TANC1: variants seen among roughly 807,000 people sequenced by gnomAD.
TANC1 encodes protein TANC1.
Under a neutral mutation model 149.7 loss-of-function variants are expected in TANC1, and 77 were observed. That is an observed-to-expected ratio of 0.51 (90% CI 0.43 to 0.62). The LOEUF is 0.62. Ranked by LOEUF, TANC1 falls within the 20% of genes least tolerant of loss-of-function variation. The probability of loss-of-function intolerance (pLI) is 0.00; values close to 1 mark genes in which losing one functional copy is unlikely to be tolerated. For missense variants in TANC1, 1,985 were observed against 2,321.8 expected (o/e 0.85, Z 2.98); for synonymous variants, 854 against 925.0 (o/e 0.92, Z 1.39).
chr2:159,130,871 A>C (rs1228114845), intron 4 of TANC1, among the ~76,000 whole-genome samples: 1 of 151,864 alleles, frequency 6.6e-6, no homozygotes, highest in African/African-American at 2.4e-5. Flanking sequence ...AATCTGTGTC[A>C]GTTGCTGTCT....
At chr2:159,114,744 T>C (rs1478708484) in intron 4 of TANC1, among the ~76,000 whole-genome samples, 1 of 152,228 alleles carries the variant, frequency 6.6e-6, no homozygotes, top group Admixed American at 6.5e-5. Flanking sequence ...AAAATAAAGT[T>C]CATTTTATTC....
In TANC1 at chr2:159,230,273, C is replaced by T. The variant is rs1256548853; in HGVS notation, c.4847C>T (p.Pro1616Leu). The T allele has an allele frequency of 1.2e-6, 2 of 1,614,064 alleles. No individual in the cohort carries two copies. ...CGCCTGCAGTGTGGTGAGAATGGCC[C>T]TGCACACCCTTTACCAAGTAAGACG... Reference protein sequence around the residue: ...NVRLQCGENGPAHPLPSKTKT... With the variant: ...NVRLQCGENGLAHPLPSKTKT... The change falls in exon 27 of 27, where the codon CCT (proline) becomes CTT (leucine). Residue 1616 changes from proline to leucine, a missense_variant. Pro to Leu is a moderately conservative substitution (Grantham distance 98). This residue lies in a region of TANC1 where 920 missense variants were observed against 994.7 expected (regional missense o/e 0.92). Coordinates refer to ENST00000263635, the MANE Select transcript of TANC1 (RefSeq NM_033394.3). This position sits in a 1 kb window ranked among gnomAD's most constrained non-coding sequence, Gnocchi z 4.4.
chr2:159,009,587 C>T (rs796643881), intron 2 of TANC1, among the ~76,000 whole-genome samples: 17 of 152,014 alleles, frequency 1.1e-4, no homozygotes, highest in African/African-American at 3.9e-4. Flanking sequence ...TTACTAGAGG[C>T]TGGGAAGTTT....
chr2:159,183,671 G>A (rs796820240), intron 14 of TANC1, among the ~76,000 whole-genome samples: 44 of 152,214 alleles, frequency 2.9e-4, no homozygotes, highest in African/African-American at 1.0e-3. Flanking sequence ...AAGGGCTTAG[G>A]GGGCGGGTGG....
intron 8 of TANC1, among the ~76,000 whole-genome samples, chr2:159,167,282 A>G (rs1405839391): frequency 2.0e-5 from 3 of 152,184 alleles, no homozygotes; most frequent in Non-Finnish European, 4.4e-5. Context: ...TGGTGGGTGC[A>G]TTCACCATGA....
At chr2:159,177,901 G>A (rs2150532813) in intron 13 of TANC1, among the ~76,000 whole-genome samples, 1 of 152,342 alleles carries the variant, frequency 6.6e-6, no homozygotes, top group South Asian at 2.1e-4. Context: ...TTGACTTAGT[G>A]AAAATTAGTG....
At chr2:159,072,182 A>C (rs1211716738) in intron 3 of TANC1, among the ~76,000 whole-genome samples, 1 of 152,096 alleles carries the variant, frequency 6.6e-6, no homozygotes, top group African/African-American at 2.4e-5. Context: ...GGGTTTTGCC[A>C]TGTTGGCCGG....
At chr2:159,121,855 G>A (rs1366703516) in intron 4 of TANC1, among the ~76,000 whole-genome samples, 3 of 152,156 alleles carry the variant, frequency 2.0e-5, no homozygotes, top group Non-Finnish European at 4.4e-5. Flanking sequence ...ACTGTCGGAG[G>A]GTCTGCTTTA....
chr2:159,015,669 T>C (rs550133706), intron 2 of TANC1, among the ~76,000 whole-genome samples: 2 of 152,354 alleles, frequency 1.3e-5, no homozygotes, highest in East Asian at 3.9e-4. Flanking sequence ...ACCTTTTGAA[T>C]GCTTTGCTGC....
Position 159,084,249 on chromosome 2 carries a change from CAA to C in TANC1, c.62-13374_62-13373del, listed in dbSNP as rs1281211316. Among the ~76,000 whole-genome samples the C allele has an allele frequency of 2.5e-3, 317 of 126,674 alleles. 2 individuals are homozygous for C. Among genetic ancestry groups the C allele is most frequent in the African/African-American group, 8.4e-3 (289 of 34,414 alleles). The allele number at this position is 126,674 out of a possible 152,430, so 83.1% of individuals were successfully genotyped here. ...TGGGTGACAGAGCAAGACTCCATCT[CAA>C]AAAAAAAAAAAAATTCGGTCATTTC... On this transcript the variant is annotated intron_variant, in intron 3 of 26. Coordinates refer to ENST00000263635, the MANE Select transcript of TANC1 (RefSeq NM_033394.3).
intron 2 of TANC1, among the ~76,000 whole-genome samples, chr2:159,003,739 C>T (rs2036842222): frequency 6.6e-6 from 1 of 152,188 alleles, no homozygotes; most frequent in Non-Finnish European, 1.5e-5. Flanking sequence ...GCTCCAGCTG[C>T]CGCTGCCGCA....
intron 4 of TANC1, among the ~76,000 whole-genome samples, chr2:159,116,586 C>T (rs2048291262): frequency 6.6e-6 from 1 of 152,190 alleles, no homozygotes; most frequent in African/African-American, 2.4e-5. Flanking sequence ...CACACAGTCC[C>T]TGTTGCGACT....
intron 1 of TANC1, among the ~76,000 whole-genome samples, chr2:158,980,604 G>A (rs971961379): frequency 5.9e-5 from 9 of 151,822 alleles, no homozygotes; most frequent in Non-Finnish European, 1.0e-4. Flanking sequence ...GTGAAACCCC[G>A]TCTCTACTAA....
chr2:158,998,281 G>T (rs1336568202), intron 1 of TANC1, among the ~76,000 whole-genome samples: 1 of 151,830 alleles, frequency 6.6e-6, no homozygotes, highest in South Asian at 2.1e-4. Flanking sequence ...GAAATGTACA[G>T]TGAATACTGA....
chr2:159,045,865 C>G (rs2040999819), intron 2 of TANC1, among the ~76,000 whole-genome samples: 1 of 152,098 alleles, frequency 6.6e-6, no homozygotes, highest in Non-Finnish European at 1.5e-5. Flanking sequence ...ATGATGCTAA[C>G]ATGACAAAGA....
At chr2:159,198,070 C>T (rs2057993824) in intron 18 of TANC1, among the ~76,000 whole-genome samples, 1 of 152,162 alleles carries the variant, frequency 6.6e-6, no homozygotes, top group African/African-American at 2.4e-5. Flanking sequence ...GCCCCTTCCT[C>T]CATCTCCAAA....
chr2:159,008,503 C>T (rs979081952), intron 2 of TANC1, among the ~76,000 whole-genome samples: 5 of 152,118 alleles, frequency 3.3e-5, no homozygotes, highest in Non-Finnish European at 7.4e-5. Flanking sequence ...TCAGGTTAAC[C>T]ATAATGATTC....
At chr2:158,971,467 G>A (rs1224465562) in intron 1 of TANC1, among the ~76,000 whole-genome samples, 1 of 152,148 alleles carries the variant, frequency 6.6e-6, no homozygotes, top group Non-Finnish European at 1.5e-5. Context: ...AAATAAAGAA[G>A]AGTGTTTATA....
At chr2:159,175,331 C>T (rs2055727704) in intron 12 of TANC1, 147 bp downstream of exon 12, 6 of 651,458 alleles carry the variant, frequency 9.2e-6, no homozygotes, top group South Asian at 7.5e-5. Flanking sequence ...CCATCCACTC[C>T]TCTTTCTCAG....
Sources: allele counts gnomAD v4.1 joint callset (sites outside exome capture counted in the v4.1 genomes callset), GRCh38; gene constraint gnomAD v4.1.1; regional missense constraint gnomAD v4.1.1; non-coding constraint Gnocchi (gnomAD v3.1); transcripts MANE v1.5; gene names NCBI Gene and HGNC (gene_info 2026-07-23, HGNC 2026-07-21).